Variants in CEP135 observed in about 807,000 individuals in gnomAD.
The protein encoded by CEP135 is centrosomal protein of 135 kDa.
CEP135 carries 142 observed loss-of-function variants against 157.3 expected under a neutral mutation model. The ratio of observed to expected loss-of-function variants is 0.90; its 90% confidence interval spans 0.79 to 1.04. The LOEUF is 1.04. Ranked by LOEUF, CEP135 falls within the 50% of genes least tolerant of loss-of-function variation. CEP135 has a pLI of 0.00. For missense variants in CEP135, 1,317 were observed against 1,309.2 expected (o/e 1.01, Z -0.09); for synonymous variants, 396 against 439.8 (o/e 0.90, Z 1.25).
chr4:56,015,266 A>G (rs998586387), intron 21 of CEP135, among the ~76,000 whole-genome samples: 1 of 152,246 alleles, frequency 6.6e-6, no homozygotes, highest in African/African-American at 2.4e-5. Flanking sequence ...CTGGGATCCT[A>G]CTAGCAGAAG....
At chr4:55,972,957 G>A (rs965501392) in intron 10 of CEP135, among the ~76,000 whole-genome samples, 4 of 152,010 alleles carry the variant, frequency 2.6e-5, no homozygotes, top group African/African-American at 7.3e-5. Context: ...GCTTGAACCC[G>A]GAGGCGGAGG....
At chr4:56,026,730 A>G (rs1731170971) in intron 25 of CEP135, among the ~76,000 whole-genome samples, 1 of 152,206 alleles carries the variant, frequency 6.6e-6, no homozygotes, top group Admixed American at 6.5e-5. Context: ...AGTAGTTGTA[A>G]AGTGCCAGGA....
At chr4:55,953,686 A>G (rs1429027441) in intron 3 of CEP135, among the ~76,000 whole-genome samples, 1 of 152,202 alleles carries the variant, frequency 6.6e-6, no homozygotes, top group Non-Finnish European at 1.5e-5. Context: ...TAAAATTGCC[A>G]TAGGGAATAT....
chr4:56,013,782 T>C (rs1303397398), intron 21 of CEP135, among the ~76,000 whole-genome samples: 1 of 152,214 alleles, frequency 6.6e-6, no homozygotes, highest in East Asian at 1.9e-4. Context: ...CTGTAGCAGA[T>C]AGAATTATAG....
intron 11 of CEP135, 93 bp downstream of exon 11, chr4:55,975,062 T>G: frequency 1.1e-6 from 1 of 925,408 alleles, no homozygotes. Flanking sequence ...TATTCGTACT[T>G]GCTTTGAAAA....
intron 10 of CEP135, 34 bp downstream of exon 10, chr4:55,971,442 T>G: frequency 6.4e-7 from 1 of 1,564,196 alleles, no homozygotes; most frequent in Non-Finnish European, 8.6e-7. Context: ...TAAAGAATGA[T>G]TGTGATTTCC....
chr4:55,982,786 A>AT (rs934520827), intron 13 of CEP135, among the ~76,000 whole-genome samples: 1 of 151,828 alleles, frequency 6.6e-6, no homozygotes, highest in African/African-American at 2.4e-5. Context: ...CAATTTAGTT[A>AT]TTTTTTTCTT....
chr4:55,988,578 T>G (rs548049181), intron 14 of CEP135, among the ~76,000 whole-genome samples: 62 of 151,698 alleles, frequency 4.1e-4, no homozygotes, highest in African/African-American at 1.4e-3. Context: ...GAGAATCACT[T>G]GAACCCAGGA....
chr4:55,983,823 A>G (rs570628110), intron 13 of CEP135, among the ~76,000 whole-genome samples: 1 of 152,072 alleles, frequency 6.6e-6, no homozygotes, highest in Non-Finnish European at 1.5e-5. Flanking sequence ...CCCGACCTGT[A>G]ATAGCCTTTT....
intron 15 of CEP135, among the ~76,000 whole-genome samples, chr4:55,995,206 C>G (rs1350847584): frequency 1.3e-5 from 2 of 152,180 alleles, no homozygotes; most frequent in East Asian, 1.9e-4. Context: ...GGTTATTCCC[C>G]TGGAGCATGC....
chr4:55,954,593 G>A (rs1728454548), intron 4 of CEP135, among the ~76,000 whole-genome samples: 1 of 152,096 alleles, frequency 6.6e-6, no homozygotes, highest in Admixed American at 6.6e-5. Context: ...TGTAGTATTA[G>A]TTACTTAGAT....
chr4:56,026,038 G>A (rs1261475212), intron 25 of CEP135, among the ~76,000 whole-genome samples: 1 of 151,972 alleles, frequency 6.6e-6, no homozygotes, highest in Non-Finnish European at 1.5e-5. Context: ...GTGAAACCCC[G>A]TCTCTACTAA....
In CEP135 at chr4:55,999,403, T is replaced by C; in HGVS notation, c.2111T>C (p.Leu704Pro). ...LESAQAQIKI[L>P]EEKIDELNLK... ...TCAGCCCAAGCACAAATTAAAATAC[T>C]GGAGGAAAAGATAGGTAAATGTTTT... The change falls in exon 16 of 26, where the codon CTG becomes CCG. Residue 704 changes from leucine (L) to proline (P), a missense_variant. Transcript: ENST00000257287. 1 of 1,614,022 alleles carries C rather than the reference T, an allele frequency of 6.2e-7. No homozygotes were observed. The highest frequency in any genetic ancestry group is 8.5e-7 in the Non-Finnish European group (1 of 1,179,978).
At chr4:56,002,719 G>C (rs1310627782) in intron 17 of CEP135, among the ~76,000 whole-genome samples, 1 of 152,004 alleles carries the variant, frequency 6.6e-6, no homozygotes, top group Non-Finnish European at 1.5e-5. Context: ...TGTGTTTTTG[G>C]TATCAAGATA....
chr4:55,975,663 A>G (rs746392372), intron 11 of CEP135, among the ~76,000 whole-genome samples: 1 of 152,032 alleles, frequency 6.6e-6, no homozygotes, highest in Non-Finnish European at 1.5e-5. Context: ...AGTTCTTCAG[A>G]TTTTTCTTCT....
chr4:56,025,912 A>T (rs1305618274), intron 25 of CEP135, among the ~76,000 whole-genome samples: 2 of 151,960 alleles, frequency 1.3e-5, no homozygotes, highest in Admixed American at 6.6e-5. Flanking sequence ...AAAATCAAAA[A>T]AAAAAAAAAA....
intron 18 of CEP135, 147 bp downstream of exon 18, chr4:56,008,529 A>G (rs1730441728): frequency 3.1e-6 from 2 of 637,740 alleles, no homozygotes; most frequent in Non-Finnish European, 2.7e-6. Flanking sequence ...CTCAGTCTCC[A>G]GCTTGAAAAT....
intron 24 of CEP135, among the ~76,000 whole-genome samples, chr4:56,021,077 T>C (rs1232142900): frequency 6.6e-6 from 1 of 152,194 alleles, no homozygotes; most frequent in Non-Finnish European, 1.5e-5. Flanking sequence ...AAATATTTCC[T>C]ATAGCATTCC....
chr4:56,015,904 A>G (rs530348719), intron 21 of CEP135, among the ~76,000 whole-genome samples: 2 of 152,336 alleles, frequency 1.3e-5, no homozygotes, highest in African/African-American at 2.4e-5. Flanking sequence ...ATCAGAGGGT[A>G]GGAGAATTGT....
Sources: allele counts gnomAD v4.1 joint callset (sites outside exome capture counted in the v4.1 genomes callset), GRCh38; gene constraint gnomAD v4.1.1; transcripts MANE v1.5; gene names NCBI Gene and HGNC (gene_info 2026-07-23, HGNC 2026-07-21).